The following ANKRD24 variants were observed in gnomAD, a reference collection of about 807,000 sequenced individuals.
The protein encoded by ANKRD24 is ankyrin repeat domain 24.
Under a neutral mutation model 127.8 loss-of-function variants are expected in ANKRD24, and 109 were observed. The observed-to-expected ratio is 0.85, with a 90% CI of 0.73 to 1.00. The LOEUF is 1.00. Among genes scored for constraint, ANKRD24 ranks in the 50% least tolerant of loss-of-function variants. ANKRD24 has a pLI of 0.00. For missense variants in ANKRD24, 1,648 were observed against 1,570.2 expected (o/e 1.05, Z -0.84); for synonymous variants, 743 against 671.1 (o/e 1.11, Z -1.66).
At position 4,210,412 on chromosome 19, in the gene ANKRD24, G is replaced by T. The variant is rs755925052; in HGVS notation, c.1059+40G>T. The T allele has an allele frequency of 4.0e-6, 6 of 1,494,924 alleles. No homozygotes were observed. In the African/African-American group the frequency reaches 8.4e-5, roughly 21 times the overall value. The allele number at this position is 1,494,924 out of a possible 1,614,324, so 92.6% of individuals were successfully genotyped here. A position where few individuals can be genotyped will look rare whatever the true frequency, so the allele number is the denominator to read the frequency against. ...GAGATTTGGGCGTGGGCCAGCCTGG[G>T]TGGGGTCAATGCAGGCATGAAGATC... On this transcript the variant is annotated intron_variant, in intron 13 of 21. Transcript: ENST00000318934.
chr19:4,224,500 C>T lies in ANKRD24; in HGVS notation c.3436C>T (p.Arg1146Cys), dbSNP rs377369259. 8.1e-6 allele frequency: 13 copies of T among 1,607,984 alleles called. No homozygotes were observed. The East Asian group carries it at 1.6e-4, about 19-fold the overall frequency. ...GATGCAGAGACTCCAGGCTCAGGGC[C>T]GCTGAGAAAGGCCAGGCCCAGTGGC... Reference protein sequence around the residue: ...LQMQRLQAQGR With the variant: ...LQMQRLQAQGC The change falls in exon 22 of 22, where the codon CGC becomes TGC. Residue 1146 changes from arginine (R) to cysteine (C), a missense_variant. Arg to Cys is a radical substitution (Grantham distance 180). Coordinates refer to ENST00000318934, the MANE Select transcript of ANKRD24 (RefSeq NM_001393985.1).
chr19:4,217,555 C>G lies in ANKRD24; in HGVS notation c.2395C>G (p.Arg799Gly). 1 of 1,319,410 alleles carries G rather than the reference C, an allele frequency of 7.6e-7. No individual in the cohort carries two copies. The allele number at this position is 1,319,410 out of a possible 1,614,324, so 81.7% of individuals were successfully genotyped here. A position where few individuals can be genotyped will look rare whatever the true frequency, so the allele number is the denominator to read the frequency against. Reference protein sequence around the residue: ...AALEQAREDLRDRDSRLRELE... With the variant: ...AALEQAREDLGDRDSRLRELE... ...CCTGGAGCAGGCCCGGGAGGACCTCCGAGACCGGGACTCCCGCCTGCGGGA... is the reference window on the plus strand; with the variant it reads ...CCTGGAGCAGGCCCGGGAGGACCTCGGAGACCGGGACTCCCGCCTGCGGGA... Residue 799 changes from arginine to glycine, a missense_variant, in exon 18 of 22, where the codon CGA becomes GGA. Physicochemically the swap from Arg to Gly is moderately radical, Grantham distance 125 (BLOSUM62 -2). Transcript: ENST00000318934.
intron 13 of ANKRD24, among the ~76,000 whole-genome samples, chr19:4,210,919 C>T (rs1044170000): frequency 2.0e-5 from 3 of 151,948 alleles, no homozygotes; most frequent in African/African-American, 2.4e-5. Flanking sequence ...TTGCCACCTC[C>T]GCCTCCCGGG....
chr19:4,218,531 C>A (rs1233220765), intron 18 of ANKRD24, among the ~76,000 whole-genome samples: 2 of 151,958 alleles, frequency 1.3e-5, no homozygotes, highest in African/African-American at 4.8e-5. Context: ...AACTCCTGAC[C>A]TCAGGTGATC....
At chr19:4,204,844 G>A (rs1969295188) in intron 7 of ANKRD24, among the ~76,000 whole-genome samples, 1 of 152,208 alleles carries the variant, frequency 6.6e-6, no homozygotes, top group African/African-American at 2.4e-5. Flanking sequence ...TCACTCAACA[G>A]TTAACTGAGC....
In ANKRD24 at chr19:4,224,415, C is replaced by T. The variant is rs754443368; in HGVS notation, c.3364-13C>T. 16 of 1,612,408 alleles carry T rather than the reference C, an allele frequency of 9.9e-6. No individual in the cohort carries two copies. In the East Asian group the frequency reaches 3.1e-4, roughly 31 times the overall value. On this transcript the variant is annotated splice_polypyrimidine_tract_variant and intron_variant, in intron 21 of 21. Coordinates refer to ENST00000318934, the MANE Select transcript of ANKRD24 (RefSeq NM_001393985.1). ...GGTATACTCAGGGTCTTCCTCTACT[C>T]CCCCAACCCTAGGGCCAGATGGATG...
chr19:4,213,310 C>T (rs927283803), intron 15 of ANKRD24, among the ~76,000 whole-genome samples: 1 of 145,814 alleles, frequency 6.9e-6, no homozygotes, highest in South Asian at 2.2e-4. Context: ...CCTTCCTTCC[C>T]TCCCTCCCTC....
chr19:4,216,655 C>T lies in ANKRD24; in HGVS notation c.1495C>T (p.Leu499=). Residue 499 remains leucine (L), a synonymous_variant, in exon 18 of 22, where the codon CTA becomes TTA. Coordinates refer to ENST00000318934, the MANE Select transcript of ANKRD24 (RefSeq NM_001393985.1). The part of the protein sequence containing the change: ...YDSLRAEFDQ[L]RRQHAEALQA... ...CTCTCTCCGGGCCGAGTTTGACCAGCTACGCAGGCAGCACGCTGAGGCCCT... is the reference window on the plus strand; with the variant it reads ...CTCTCTCCGGGCCGAGTTTGACCAGTTACGCAGGCAGCACGCTGAGGCCCT... 1 of 1,602,966 alleles carries T rather than the reference C, an allele frequency of 6.2e-7. No homozygotes were observed. The highest frequency in any genetic ancestry group is 8.5e-7 in the Non-Finnish European group (1 of 1,174,892).
At position 4,212,683 on chromosome 19, in the gene ANKRD24, G is replaced by T; in HGVS notation, c.1182G>T (p.Arg394=). 1 of 1,550,878 alleles carries T rather than the reference G, an allele frequency of 6.4e-7. No individual in the cohort carries two copies. The highest frequency in any genetic ancestry group is 1.4e-5 in the African/African-American group (1 of 73,152). Residue 394 remains arginine (R), a synonymous_variant, in exon 15 of 22, where the codon CGG becomes CGT. Transcript: ENST00000318934. ...GGGAGGTGGAGAGTTTGCAGAGCCG[G>T]CTGTCCCTGCTGGAGGTAGGAGCAG... is the stretch of plus-strand genomic sequence containing the variant. ...LGREVESLQS[R]LSLLENEREN...
chr19:4,184,939 G>T (rs1967970900), intron 1 of ANKRD24, among the ~76,000 whole-genome samples: 1 of 143,394 alleles, frequency 7.0e-6, no homozygotes, highest in African/African-American at 2.5e-5. Flanking sequence ...AGGATCCATG[G>T]ATGGACTGGT....
At position 4,195,938 on chromosome 19, in the gene ANKRD24, G is replaced by A. The variant is rs1344111134; in HGVS notation, c.37-3745G>A. On this transcript the variant is annotated intron_variant, in intron 2 of 21. Transcript: ENST00000318934. This position sits in a 1 kb window ranked among gnomAD's most constrained non-coding sequence, Gnocchi z 4.2. ...TCTAAGAATAATCACGGACCACACC[G>A]ACGTGTAAATGCTCAATGCTCACCC... Among the ~76,000 whole-genome samples the A allele has an allele frequency of 3.9e-5, 6 of 152,172 alleles. No homozygotes were observed. The East Asian group carries it at 5.8e-4, about 15-fold the overall frequency.
chr19:4,199,094 A>G lies in ANKRD24; in HGVS notation c.37-589A>G, dbSNP rs943312244. Among the ~76,000 whole-genome samples, 2 of 152,062 alleles carry G rather than the reference A, an allele frequency of 1.3e-5. No homozygotes were observed. The highest frequency in any genetic ancestry group is 4.8e-5 in the African/African-American group (2 of 41,402). ...TGGTGGCATTTCAGGGCAGTTGTGGATAAACAGGGCAGAGGATGGTCCTGA... is the reference window on the plus strand; with the variant it reads ...TGGTGGCATTTCAGGGCAGTTGTGGGTAAACAGGGCAGAGGATGGTCCTGA... On this transcript the variant is annotated intron_variant, in intron 2 of 21. Coordinates refer to ENST00000318934, the MANE Select transcript of ANKRD24 (RefSeq NM_001393985.1). The surrounding 1 kb of genome is among the most constrained non-coding windows in gnomAD (Gnocchi z 5.2).
Position 4,199,910 on chromosome 19 carries a change from ACAAGC to A in ANKRD24, c.161_165del (p.Gln54ArgfsTer116). Reference sequence around the variant, plus strand: ...GGGGCAAGAGTGACGAGAGGCTGCTACAAGCCGTGGAAAACAACGATGCACCTCGG... The same window carrying A: ...GGGGCAAGAGTGACGAGAGGCTGCTACGTGGAAAACAACGATGCACCTCGG... On this transcript the variant is annotated frameshift_variant, in exon 4 of 22. Transcript: ENST00000318934. LOFTEE classifies it high-confidence loss of function. This position sits in a 1 kb window ranked among gnomAD's most constrained non-coding sequence, Gnocchi z 5.2. 1 of 1,570,774 alleles carries A rather than the reference ACAAGC, an allele frequency of 6.4e-7. No homozygotes were observed. The highest frequency in any genetic ancestry group is 8.6e-7 in the Non-Finnish European group (1 of 1,159,072).
chr19:4,206,407 G>T (rs968402094), intron 7 of ANKRD24, among the ~76,000 whole-genome samples: 1 of 151,426 alleles, frequency 6.6e-6, no homozygotes, highest in Admixed American at 6.6e-5. Context: ...CTTGAGCCCA[G>T]GAGTTCAAGA....
chr19:4,193,659 ATACCCCGTCTC>A (rs1968512040), intron 2 of ANKRD24, among the ~76,000 whole-genome samples: 1 of 151,806 alleles, frequency 6.6e-6, no homozygotes, highest in Non-Finnish European at 1.5e-5. Flanking sequence ...CAACATGGTG[ATACCCCGTCTC>A]TACTAAAAAT....
rs759585370 is a variant in ANKRD24 at position 4,216,290 on chromosome 19, A to G, written c.1277A>G (p.Glu426Gly). 6.4e-7 allele frequency: 1 copy of G among 1,553,422 alleles called. No homozygotes were observed. Among genetic ancestry groups the G allele is most frequent in the Non-Finnish European group, 8.7e-7 (1 of 1,148,286 alleles). ...EGELPDLPGA[E>G]VLLSRQLSPS... is the part of the protein sequence containing the mutation. ...ACTCTGCGTCCCCCTCCAGGGGCCG[A>G]GGTGCTGCTGTCCAGACAACTCAGT... is the stretch of plus-strand genomic sequence containing the variant. Residue 426 changes from glutamate to glycine, a missense_variant, in exon 17 of 22, where the codon GAG becomes GGG. Coordinates refer to ENST00000318934, the MANE Select transcript of ANKRD24 (RefSeq NM_001393985.1).
At chr19:4,211,429 A>C (rs1345330060) in intron 13 of ANKRD24, among the ~76,000 whole-genome samples, 1 of 151,938 alleles carries the variant, frequency 6.6e-6, no homozygotes, top group African/African-American at 2.4e-5. Context: ...ACTTGAGGTC[A>C]GGAGTTCGAG....
In ANKRD24 at chr19:4,216,337, G is replaced by A. The variant is rs779989367; in HGVS notation, c.1324G>A (p.Ala442Thr). The change falls in exon 17 of 22, where the codon GCC becomes ACC. Residue 442 changes from alanine to threonine, a missense_variant. Coordinates refer to ENST00000318934, the MANE Select transcript of ANKRD24 (RefSeq NM_001393985.1). Reference sequence around the variant, plus strand: ...CAGTCCGTCGGCCCAGGAACACCTGGCCTCGCTGCAGGAACAGGTGGCTGT... The same window carrying A: ...CAGTCCGTCGGCCCAGGAACACCTGACCTCGCTGCAGGAACAGGTGGCTGT... ...QLSPSAQEHL[A>T]SLQEQVAVLT... The A allele has an allele frequency of 3.6e-5, 56 of 1,570,270 alleles. No homozygotes were observed. The highest frequency in any genetic ancestry group is 4.6e-5 in the Non-Finnish European group (53 of 1,157,972).
At position 4,218,000 on chromosome 19, in the gene ANKRD24, C is replaced by A; in HGVS notation, c.2840C>A (p.Ala947Asp). 6.5e-7 allele frequency: 1 copy of A among 1,534,864 alleles called. No individual in the cohort carries two copies. Among genetic ancestry groups the A allele is most frequent in the Non-Finnish European group, 8.7e-7 (1 of 1,148,324 alleles). ...EQEVVATGKE[A>D]ARLRAELERE... is the part of the protein sequence containing the mutation. Reference sequence around the variant, plus strand: ...GAGGTGGTGGCCACGGGCAAGGAGGCCGCCCGGCTGCGCGCGGAGCTGGAG... The same window carrying A: ...GAGGTGGTGGCCACGGGCAAGGAGGACGCCCGGCTGCGCGCGGAGCTGGAG... The change falls in exon 18 of 22, where the codon GCC becomes GAC. Residue 947 changes from alanine (A) to aspartate (D), a missense_variant. By Grantham distance (126) the Ala-to-Asp change is moderately radical. Coordinates refer to ENST00000318934, the MANE Select transcript of ANKRD24 (RefSeq NM_001393985.1).
Sources: allele counts gnomAD v4.1 joint callset (sites outside exome capture counted in the v4.1 genomes callset), GRCh38; gene constraint gnomAD v4.1.1; non-coding constraint Gnocchi (gnomAD v3.1); transcripts MANE v1.5; gene names NCBI Gene and HGNC (gene_info 2026-07-23, HGNC 2026-07-21).